YPEL2: variants seen among roughly 807,000 people sequenced by gnomAD.
YPEL2 encodes yippee like 2, also known as protein yippee-like 2.
Under a neutral mutation model 19.1 loss-of-function variants are expected in YPEL2, and 2 were observed. The ratio of observed to expected loss-of-function variants is 0.10; its 90% CI spans 0.04 to 0.33. The LOEUF is 0.33. Among genes scored for constraint, YPEL2 ranks in the 10% least tolerant of loss-of-function variants. The probability of loss-of-function intolerance (pLI) is 1.00; values close to 1 mark genes in which losing one functional copy is unlikely to be tolerated. For synonymous variants in YPEL2, 52 were observed against 50.0 expected (o/e 1.04, Z -0.17); for missense variants, 66 against 140.7 (o/e 0.47, Z 2.68).
intron 1 of YPEL2, among the ~76,000 whole-genome samples, chr17:59,332,642 G>T (rs1025290419): frequency 3.3e-5 from 5 of 152,190 alleles, no homozygotes; most frequent in Admixed American, 6.5e-5. Context: ...GGGGACACCT[G>T]TTCTTCTGGA....
chr17:59,371,330 C>T (rs898018591), intron 2 of YPEL2, among the ~76,000 whole-genome samples: 1 of 152,186 alleles, frequency 6.6e-6, no homozygotes, highest in African/African-American at 2.4e-5. Context: ...TCCCCAGTAT[C>T]GTGTTGGATG....
At chr17:59,371,227 GA>G in intron 2 of YPEL2, among the ~76,000 whole-genome samples, 1 of 152,234 alleles carries the variant, frequency 6.6e-6, no homozygotes, top group East Asian at 1.9e-4. Context: ...CTTGCAGACA[GA>G]TAAGCTTCTA....
rs2048049993 is a variant in YPEL2, at chr17:59,398,058, G to A, written c.*868G>A. The A allele has an allele frequency of 6.6e-6, 1 of 152,240 alleles. No homozygotes were observed. Among genetic ancestry groups the A allele is most frequent in the Non-Finnish European group, 1.5e-5 (1 of 68,080 alleles). 9.4% of individuals were successfully genotyped at this position (152,240 alleles called of 1,614,324 possible). On this transcript the variant is annotated 3_prime_UTR_variant, in exon 5 of 5. Coordinates refer to ENST00000312655, the MANE Select transcript of YPEL2 (RefSeq NM_001005404.4). ...TAAAATCAGTAATTGAGGAGAGCAGGGCACAAAGGGGCTGCAGTTTGGGAG... is the reference window on the plus strand; with the variant it reads ...TAAAATCAGTAATTGAGGAGAGCAGAGCACAAAGGGGCTGCAGTTTGGGAG...
intron 4 of YPEL2, among the ~76,000 whole-genome samples, chr17:59,392,807 C>T (rs1023696764): frequency 3.3e-5 from 5 of 151,234 alleles, no homozygotes; most frequent in Admixed American, 6.6e-5. Context: ...CCACCGTGCC[C>T]GGCCCTAAAT....
At chr17:59,363,543 C>A (rs1325937166) in intron 2 of YPEL2, among the ~76,000 whole-genome samples, 1 of 152,036 alleles carries the variant, frequency 6.6e-6, no homozygotes, top group Non-Finnish European at 1.5e-5. Flanking sequence ...CCTGACCTGA[C>A]CTCAAGTGAT....
chr17:59,393,076 G>A (rs1448265602), intron 4 of YPEL2, among the ~76,000 whole-genome samples: 1 of 152,178 alleles, frequency 6.6e-6, no homozygotes, highest in Admixed American at 6.5e-5. Flanking sequence ...ACCAGGTCTA[G>A]TGCACTTTCC....
At chr17:59,386,085 A>G (rs906348467) in intron 2 of YPEL2, among the ~76,000 whole-genome samples, 1 of 152,108 alleles carries the variant, frequency 6.6e-6, no homozygotes, top group Non-Finnish European at 1.5e-5. Flanking sequence ...CACTTTGGAA[A>G]GCTGAGGCAG....
At position 59,341,827 on chromosome 17, in the gene YPEL2, C is replaced by T. The variant is rs576960085; in HGVS notation, c.-196+10003C>T. Among the ~76,000 whole-genome samples, 411 of 152,220 alleles carry T rather than the reference C, an allele frequency of 2.7e-3. 2 individuals are homozygous for T. Among genetic ancestry groups the T allele is most frequent in the Non-Finnish European group, 4.7e-3 (323 of 68,008 alleles). On this transcript the variant is annotated intron_variant, in intron 1 of 4. Transcript: ENST00000312655. The stretch of plus-strand genomic sequence containing the variant: ...TGCTATTCCCATTCAGAGAAGAAAC[C>T]CAGAAATGTGCTGTAGAGTGAGTCT...
chr17:59,352,298 A>T (rs2047791470), intron 1 of YPEL2, among the ~76,000 whole-genome samples: 1 of 152,126 alleles, frequency 6.6e-6, no homozygotes, highest in Admixed American at 6.5e-5. Flanking sequence ...AGAGAAGCAG[A>T]GGGAGTCTTA....
chr17:59,332,195 A>G (rs1470809759), intron 1 of YPEL2, among the ~76,000 whole-genome samples: 1 of 151,460 alleles, frequency 6.6e-6, no homozygotes, highest in East Asian at 2.0e-4. Context: ...CGTCGTCCCC[A>G]TGGGTTCGGA....
chr17:59,349,939 A>C (rs1471823705), intron 1 of YPEL2, among the ~76,000 whole-genome samples: 1 of 152,184 alleles, frequency 6.6e-6, no homozygotes, highest in Non-Finnish European at 1.5e-5. Context: ...GATTACGGGC[A>C]TGAGCCACTG....
At chr17:59,395,138 T>TC (rs559952210) in intron 4 of YPEL2, among the ~76,000 whole-genome samples, 1 of 151,786 alleles carries the variant, frequency 6.6e-6, no homozygotes, top group Non-Finnish European at 1.5e-5. Flanking sequence ...TTTTCCTCCT[T>TC]CCCCCCCAAA....
chr17:59,356,074 A>G (rs1253520932), intron 2 of YPEL2: 2 of 152,156 alleles, frequency 1.3e-5, no homozygotes, highest in Non-Finnish European at 2.9e-5. Flanking sequence ...CTTGGAAAAT[A>G]GGCCTTTCTT....
Position 59,399,530 on chromosome 17 carries a change from G to GT in YPEL2, c.*2350dup, listed in dbSNP as rs910956857. The GT allele has an allele frequency of 2.3e-4, 35 of 149,472 alleles. No individual in the cohort carries two copies. Among genetic ancestry groups the GT allele is most frequent in the Admixed American group, 2.7e-4 (4 of 14,912 alleles). 9.3% of individuals were successfully genotyped at this position (149,472 alleles called of 1,614,324 possible). ...CTCCAGTCAGACCCTGGTTCTGAAT[G>GT]TTTTTTTTTTCGGTGACTATCCAGT... is the stretch of plus-strand genomic sequence containing the variant. On this transcript the variant is annotated 3_prime_UTR_variant, in exon 5 of 5. Coordinates refer to ENST00000312655, the MANE Select transcript of YPEL2 (RefSeq NM_001005404.4).
chr17:59,366,272 G>A (rs2047868307), intron 2 of YPEL2: 1 of 154,086 alleles, frequency 6.5e-6, no homozygotes, highest in Non-Finnish European at 1.5e-5. Context: ...AATTACAGTG[G>A]CAAACAGATG....
chr17:59,383,548 TG>T, intron 2 of YPEL2, among the ~76,000 whole-genome samples: 1 of 110,186 alleles, frequency 9.1e-6, no homozygotes, highest in African/African-American at 3.5e-5. Flanking sequence ...CACTCCAGCC[TG>T]GGTGACAGAG....
intron 2 of YPEL2, among the ~76,000 whole-genome samples, chr17:59,365,358 A>C (rs773131356): frequency 6.6e-6 from 1 of 152,218 alleles, no homozygotes; most frequent in Non-Finnish European, 1.5e-5. Context: ...CCTTACCTGC[A>C]GGCAGCAGCG....
chr17:59,383,325 G>A (rs1489668966), intron 2 of YPEL2, among the ~76,000 whole-genome samples: 12 of 151,704 alleles, frequency 7.9e-5, no homozygotes, highest in Admixed American at 6.6e-4. Context: ...TAGGCCGGGC[G>A]TGGTGGCTCA....
At chr17:59,338,517 G>A (rs535849800) in intron 1 of YPEL2, among the ~76,000 whole-genome samples, 34 of 152,336 alleles carry the variant, frequency 2.2e-4, no homozygotes, top group Admixed American at 2.2e-3. Flanking sequence ...ATGGATTGGT[G>A]AAGAATGAAG....
Sources: allele counts gnomAD v4.1 joint callset (sites outside exome capture counted in the v4.1 genomes callset), GRCh38; gene constraint gnomAD v4.1.1; transcripts MANE v1.5; gene names NCBI Gene and HGNC (gene_info 2026-07-23, HGNC 2026-07-21).